Variants in RTTN observed in about 807,000 individuals in gnomAD.
The protein encoded by RTTN is rotatin.
RTTN carries 182 observed loss-of-function variants against 269.2 expected under a neutral mutation model. The observed-to-expected ratio is 0.68, with a 90% CI of 0.60 to 0.76. The LOEUF (loss-of-function observed/expected upper bound fraction) is 0.76, where lower values mean the gene tolerates loss of function less well. Ranked by LOEUF, RTTN falls within the 30% of genes least tolerant of loss-of-function variation. RTTN has a pLI of 0.00. For synonymous variants in RTTN, 1,006 were observed against 963.5 expected (o/e 1.04, Z -0.82); for missense variants, 2,545 against 2,608.6 (o/e 0.98, Z 0.53).
intron 27 of RTTN, among the ~76,000 whole-genome samples, chr18:70,110,101 C>A (rs886112011): frequency 6.6e-6 from 1 of 151,888 alleles, no homozygotes; most frequent in Non-Finnish European, 1.5e-5. Flanking sequence ...TGTGGTGGTG[C>A]ACACCTATAG....
At chr18:70,179,563 A>G (rs1032486894) in intron 10 of RTTN, among the ~76,000 whole-genome samples, 21 of 152,154 alleles carry the variant, frequency 1.4e-4, no homozygotes, top group African/African-American at 5.1e-4. Flanking sequence ...TGGGCTAAAG[A>G]TGTTTAAGCA....
chr18:70,025,167 A>G (rs374683684), intron 43 of RTTN, among the ~76,000 whole-genome samples: 81 of 152,342 alleles, frequency 5.3e-4, no homozygotes, highest in African/African-American at 1.9e-3. Flanking sequence ...TGTAAATGCT[A>G]TGAACTGGCC....
At chr18:70,134,127 A>G (rs745497861) in intron 23 of RTTN, among the ~76,000 whole-genome samples, 8 of 152,032 alleles carry the variant, frequency 5.3e-5, no homozygotes, top group Non-Finnish European at 1.0e-4. Context: ...ACTTATTTCC[A>G]ATTGGTGGGT....
chr18:70,030,076 T>G lies in RTTN; in HGVS notation c.5681A>C (p.Lys1894Thr). 6.2e-7 allele frequency: 1 copy of G among 1,612,894 alleles called. No individual in the cohort carries two copies. Among genetic ancestry groups the G allele is most frequent in the East Asian group, 2.2e-5 (1 of 44,818 alleles). Residue 1894 changes from lysine to threonine, a missense_variant, in exon 42 of 49, where the codon AAA (lysine) becomes ACA (threonine). By Grantham distance (78) the Lys-to-Thr change is moderately conservative. Coordinates refer to ENST00000640769, the MANE Select transcript of RTTN (RefSeq NM_173630.4). The part of the protein sequence containing the change: ...NLIDNCMEQM[K>T]HINAQLNLDS... ...TAGGTTCAGTTGTGCATTTATGTGT[T>G]TCATCTGCTCCATGCAATTGTCTAT... is the stretch of plus-strand genomic sequence containing the variant.
chr18:70,033,713 TAATCAG>T (rs1362207119), intron 40 of RTTN, among the ~76,000 whole-genome samples: 1 of 147,750 alleles, frequency 6.8e-6, no homozygotes, highest in Non-Finnish European at 1.5e-5. Flanking sequence ...ACACAAGAAA[TAATCAG>T]AATCAGAGCT....
chr18:70,139,680 A>G lies in RTTN; in HGVS notation c.2707T>C (p.Leu903=), dbSNP rs751008787. Residue 903 remains leucine (L), a synonymous_variant, in exon 21 of 49, where the codon TTG becomes CTG. Coordinates refer to ENST00000640769, the MANE Select transcript of RTTN (RefSeq NM_173630.4). ...GGATCACCACATAAAACCTTCCTCA[A>G]GAGTGTGAGGCATGGTTGTACCAAA... is the stretch of plus-strand genomic sequence containing the variant. The part of the protein sequence containing the change: ...ECLVQPCLTL[L]RKVLCGDPVM... 2.7e-5 allele frequency: 43 copies of G among 1,613,100 alleles called. No homozygotes were observed. In the African/African-American group the frequency reaches 5.1e-4, roughly 19 times the overall value.
chr18:70,180,069 T>C (rs1036738377), intron 10 of RTTN, among the ~76,000 whole-genome samples: 4 of 152,054 alleles, frequency 2.6e-5, no homozygotes, highest in Non-Finnish European at 5.9e-5. Context: ...CGATCAGAAC[T>C]ATCCATGCCT....
In RTTN at chr18:70,165,700, TA is replaced by T. The variant is rs111726642; in HGVS notation, c.1929+361del. 1.3e-4 allele frequency among the ~76,000 whole-genome samples: 19 copies of T among 151,562 alleles called. No individual in the cohort carries two copies. In the East Asian group the frequency reaches 1.7e-3, roughly 14 times the overall value. ...AGAAAAGAAAAATAAAAAATAACAT[TA>T]AAAAAAACAGAATTAAAACCATAAA... is the stretch of plus-strand genomic sequence containing the variant. On this transcript the variant is annotated intron_variant, in intron 14 of 48. Transcript: ENST00000640769.
intron 28 of RTTN, among the ~76,000 whole-genome samples, chr18:70,100,185 CATG>C: frequency 1.3e-5 from 2 of 152,338 alleles, no homozygotes; most frequent in South Asian, 4.1e-4. Context: ...TGGCCATTTT[CATG>C]ATATTGATTC....
rs770031871 is a variant in RTTN, at chr18:70,150,713, A to G, written c.1950T>C (p.Asn650=). The G allele has an allele frequency of 1.2e-6, 2 of 1,603,010 alleles. No individual in the cohort carries two copies. Among genetic ancestry groups the G allele is most frequent in the South Asian group, 2.2e-5 (2 of 90,400 alleles). The part of the protein sequence containing the change: ...EITKECLGVH[N]VTKPVSSLCN... The stretch of plus-strand genomic sequence containing the variant: ...AAAGTGAAGACACGGGTTTAGTGAC[A>G]TTATGGACACCTAAACATTCCTGTA... Residue 650 remains asparagine, a synonymous_variant, in exon 15 of 49, where the codon AAT becomes AAC. Coordinates refer to ENST00000640769, the MANE Select transcript of RTTN (RefSeq NM_173630.4).
chr18:70,047,594 T>C (rs1317251997), intron 40 of RTTN, among the ~76,000 whole-genome samples: 1 of 152,244 alleles, frequency 6.6e-6, no homozygotes, highest in East Asian at 1.9e-4. Context: ...CAAATGTCAC[T>C]TAGAATATAT....
At chr18:70,095,695 G>C (rs937035878) in intron 28 of RTTN, among the ~76,000 whole-genome samples, 1 of 152,080 alleles carries the variant, frequency 6.6e-6, no homozygotes, top group Non-Finnish European at 1.5e-5. Context: ...TTCCCTTTGT[G>C]GGTAACCCGA....
At chr18:70,057,482 C>T (rs2057852344) in intron 37 of RTTN, among the ~76,000 whole-genome samples, 1 of 152,180 alleles carries the variant, frequency 6.6e-6, no homozygotes, top group South Asian at 2.1e-4. Flanking sequence ...CCAAGATATC[C>T]AGACACTTGA....
rs1399051533 is a variant in RTTN, at chr18:70,005,179, C to A, written c.6595+19G>T. Reference sequence around the variant, plus strand: ...TAGCTTCTGAGTTTAACTATAATCTCTTTCTTATTGCAACTTACTTTTCTT... The same window carrying A: ...TAGCTTCTGAGTTTAACTATAATCTATTTCTTATTGCAACTTACTTTTCTT... On this transcript the variant is annotated intron_variant, in intron 48 of 48. Transcript: ENST00000640769. The A allele has an allele frequency of 1.3e-6, 2 of 1,579,014 alleles. No homozygotes were observed. Among genetic ancestry groups the A allele is most frequent in the Admixed American group, 3.4e-5 (2 of 58,686 alleles).
intron 40 of RTTN, among the ~76,000 whole-genome samples, chr18:70,043,890 C>T (rs1172386798): frequency 3.3e-5 from 5 of 152,194 alleles, no homozygotes; most frequent in African/African-American, 9.6e-5. Context: ...CAAGTGGACA[C>T]GACTGGAAGT....
chr18:70,189,471 T>C (rs1376467016), intron 9 of RTTN, among the ~76,000 whole-genome samples: 1 of 152,258 alleles, frequency 6.6e-6, no homozygotes, highest in Non-Finnish European at 1.5e-5. Flanking sequence ...ATCTTATTTA[T>C]ATCCTGATGA....
intron 40 of RTTN, among the ~76,000 whole-genome samples, chr18:70,036,048 AAC>A (rs1185150663): frequency 2.0e-5 from 3 of 152,212 alleles, no homozygotes; most frequent in Non-Finnish European, 4.4e-5. Flanking sequence ...GTCAAAAAAT[AAC>A]ACACGCTGAT....
chr18:70,039,497 C>T (rs919042990), intron 40 of RTTN, among the ~76,000 whole-genome samples: 1 of 151,804 alleles, frequency 6.6e-6, no homozygotes, highest in Non-Finnish European at 1.5e-5. Context: ...AAATAAAAAC[C>T]TTAGACAAAC....
chr18:70,128,451 A>G lies in RTTN; in HGVS notation c.3050T>C (p.Val1017Ala), dbSNP rs756445571. The G allele has an allele frequency of 6.2e-7, 1 of 1,613,284 alleles. No homozygotes were observed. Among genetic ancestry groups the G allele is most frequent in the Non-Finnish European group, 8.5e-7 (1 of 1,179,584 alleles). ...CCAAGCTATTCTCAGCATATCTGAC[A>G]CCGGCTTCAAGGCCAAACAATCAGC... The part of the protein sequence containing the change: ...LSADCLALKP[V>A]SDMLRIAWNL... Residue 1017 changes from valine (V) to alanine (A), a missense_variant, in exon 24 of 49, where the codon GTG (valine) becomes GCG (alanine). Transcript: ENST00000640769.
Sources: gnomAD v4.1 joint callset for allele counts (sites outside exome capture counted in the v4.1 genomes callset) on GRCh38, gnomAD v4.1.1 for gene constraint, MANE v1.5 for transcripts, NCBI Gene and HGNC (gene_info 2026-07-23, HGNC 2026-07-21) for gene names.